The following DMXL2 variants were observed in gnomAD, a reference collection of about 807,000 sequenced individuals.
DMXL2 encodes the protein Dmx like 2.
DMXL2 carries 103 observed loss-of-function variants against 331.1 expected under a neutral mutation model. The ratio of observed to expected loss-of-function variants is 0.31; its 90% CI spans 0.27 to 0.37. DMXL2 has a LOEUF of 0.37. DMXL2 is among the 10% of genes least tolerant of loss of function. The pLI is 1.00. For missense variants in DMXL2, 3,171 were observed against 3,642.9 expected (o/e 0.87, Z 3.33); for synonymous variants, 1,281 against 1,252.1 (o/e 1.02, Z -0.49).
intron 2 of DMXL2, among the ~76,000 whole-genome samples, chr15:51,575,661 T>A (rs933347226): frequency 6.6e-6 from 1 of 152,196 alleles, no homozygotes; most frequent in African/African-American, 2.4e-5. Context: ...AGCATGATAT[T>A]AGATATTAAC....
Position 51,500,116 on chromosome 15 carries a change from C to T in DMXL2, c.3108G>A (p.Glu1036=). ...FWKCCMEANP[E]CNKSDEKEIY... ...TTTCTTTCTCATCACTTTTATTACA[C>T]TCTGGGTTGGCTTCCATACAACATT... is the stretch of plus-strand genomic sequence containing the variant. The change falls in exon 18 of 44, where the codon GAG becomes GAA. Residue 1036 remains glutamate, a synonymous_variant. Coordinates refer to ENST00000560891, the MANE Select transcript of DMXL2 (RefSeq NM_001378457.1). 6.2e-7 allele frequency: 1 copy of T among 1,614,184 alleles called. No individual in the cohort carries two copies. The highest frequency in any genetic ancestry group is 8.5e-7 in the Non-Finnish European group (1 of 1,180,016).
chr15:51,542,945 C>G (rs763212131), intron 8 of DMXL2, among the ~76,000 whole-genome samples: 3 of 151,944 alleles, frequency 2.0e-5, no homozygotes, highest in African/African-American at 7.3e-5. Context: ...TTCATGATAT[C>G]TATTACAAAG....
At position 51,495,635 on chromosome 15, in the gene DMXL2, T is replaced by G. The variant is rs945392846; in HGVS notation, c.4673-501A>C. ...TTTGAATACCCAGGCTAGTTAGTGT[T>G]ACATGGTTAGTTTGAACCTTCACCT... On this transcript the variant is annotated intron_variant, in intron 18 of 43. Transcript: ENST00000560891. Among the ~76,000 whole-genome samples the G allele has an allele frequency of 5.3e-5, 8 of 152,186 alleles. 1 individual carries two copies. The East Asian group carries it at 1.5e-3, about 29-fold the overall frequency.
At chr15:51,599,987 T>C (rs905886782) in intron 1 of DMXL2, among the ~76,000 whole-genome samples, 1 of 151,544 alleles carries the variant, frequency 6.6e-6, no homozygotes, top group African/African-American at 2.4e-5. Context: ...GTGTGACCCA[T>C]TGCACCCGGC....
chr15:51,513,321 A>G (rs1056346774), intron 15 of DMXL2, among the ~76,000 whole-genome samples: 1 of 152,232 alleles, frequency 6.6e-6, no homozygotes, highest in African/African-American at 2.4e-5. Context: ...TGGAAACCAT[A>G]TTAAAAAGAT....
At chr15:51,559,077 T>G (rs946892709) in intron 6 of DMXL2, among the ~76,000 whole-genome samples, 3 of 152,136 alleles carry the variant, frequency 2.0e-5, no homozygotes, top group Admixed American at 2.0e-4. Flanking sequence ...TTATGTAACA[T>G]AGGAAAACCC....
chr15:51,453,427 G>T, intron 41 of DMXL2, 123 bp downstream of exon 41: 1 of 650,224 alleles, frequency 1.5e-6, no homozygotes, highest in Non-Finnish European at 2.4e-6. Context: ...TAAGAATTAT[G>T]TAACAAAGTT....
intron 19 of DMXL2, among the ~76,000 whole-genome samples, chr15:51,492,041 C>G (rs545702723): frequency 6.6e-6 from 1 of 152,296 alleles, no homozygotes; most frequent in East Asian, 1.9e-4. Flanking sequence ...ATTTGAATAT[C>G]AGGCCATTCA....
At chr15:51,529,965 T>C (rs751816625) in intron 13 of DMXL2, among the ~76,000 whole-genome samples, 20 of 152,164 alleles carry the variant, frequency 1.3e-4, no homozygotes, top group Non-Finnish European at 2.5e-4. Flanking sequence ...ATCAATGTGA[T>C]ACATTTCATC....
chr15:51,453,006 A>G (rs1447078185), intron 41 of DMXL2, among the ~76,000 whole-genome samples: 1 of 150,912 alleles, frequency 6.6e-6, no homozygotes, highest in Non-Finnish European at 1.5e-5. Flanking sequence ...CATATGTCGT[A>G]TGTTCTCACT....
intron 19 of DMXL2, among the ~76,000 whole-genome samples, chr15:51,494,375 G>A (rs2043019145): frequency 6.6e-6 from 1 of 152,074 alleles, no homozygotes; most frequent in Admixed American, 6.6e-5. Context: ...CCAAGATGTT[G>A]GTTTCAAAAG....
intron 13 of DMXL2, among the ~76,000 whole-genome samples, chr15:51,530,208 G>A (rs1468193589): frequency 3.3e-5 from 5 of 152,044 alleles, no homozygotes; most frequent in South Asian, 2.1e-4. Flanking sequence ...GTTATTCAAC[G>A]TAGTACGGAA....
At chr15:51,519,433 C>G (rs1051114799) in intron 13 of DMXL2, among the ~76,000 whole-genome samples, 1 of 151,358 alleles carries the variant, frequency 6.6e-6, no homozygotes, top group Admixed American at 6.6e-5. Context: ...TAACATTTTT[C>G]CAGAACATCA....
At chr15:51,486,725 T>C (rs2042421388) in intron 22 of DMXL2, among the ~76,000 whole-genome samples, 1 of 152,180 alleles carries the variant, frequency 6.6e-6, no homozygotes, top group South Asian at 2.1e-4. Context: ...GCCTCATATT[T>C]AAATAGTAAA....
chr15:51,498,617 G>C lies in DMXL2; in HGVS notation c.4607C>G (p.Ala1536Gly), dbSNP rs757416099. Residue 1536 changes from alanine to glycine, a missense_variant, in exon 18 of 44, where the codon GCT becomes GGT. By Grantham distance (60) the Ala-to-Gly change is moderately conservative (BLOSUM62 0). Transcript: ENST00000560891. ...AGTAGTAGCCACTGTATCAGCCAAAGCTACAAGGAACATCTGCTCCAAACG... is the reference window on the plus strand; with the variant it reads ...AGTAGTAGCCACTGTATCAGCCAAACCTACAAGGAACATCTGCTCCAAACG... ...LTRLEQMFLV[A>G]LADTVATTST... 3.1e-6 allele frequency: 5 copies of C among 1,614,008 alleles called. No homozygotes were observed. The highest frequency in any genetic ancestry group is 1.3e-5 in the African/African-American group (1 of 74,936).
rs115545752 is a variant in DMXL2, at chr15:51,522,153, A to T, written c.2437-4986T>A. On this transcript the variant is annotated intron_variant, in intron 13 of 43. Transcript: ENST00000560891. The stretch of plus-strand genomic sequence containing the variant: ...GTATCTTTGATACTTTAAATGGAAT[A>T]AAAAAAACTTAATCCCTGTCTTCAT... 6.9e-3 allele frequency among the ~76,000 whole-genome samples: 1,056 copies of T among 152,276 alleles called. 20 individuals carry two copies. Among genetic ancestry groups the T allele is most frequent in the African/African-American group, 0.025 (1,019 of 41,558 alleles).
chr15:51,592,358 G>C (rs544305145), intron 1 of DMXL2, among the ~76,000 whole-genome samples: 1 of 152,150 alleles, frequency 6.6e-6, no homozygotes, highest in African/African-American at 2.4e-5. Flanking sequence ...AAGAAGAGAA[G>C]TTAAGAGAAA....
chr15:51,604,649 T>A (rs1168543441), intron 1 of DMXL2, among the ~76,000 whole-genome samples: 1 of 152,214 alleles, frequency 6.6e-6, no homozygotes, highest in African/African-American at 2.4e-5. Context: ...GACTCAAAGA[T>A]GTCACTTCTC....
At chr15:51,562,788 T>C (rs976131073) in intron 6 of DMXL2, among the ~76,000 whole-genome samples, 1 of 152,168 alleles carries the variant, frequency 6.6e-6, no homozygotes, top group African/African-American at 2.4e-5. Context: ...ATCAGGAAGA[T>C]AGGAGCAAGT....
Sources: gnomAD v4.1 joint callset for allele counts (sites outside exome capture counted in the v4.1 genomes callset) on GRCh38, gnomAD v4.1.1 for gene constraint, MANE v1.5 for transcripts, NCBI Gene and HGNC (gene_info 2026-07-23, HGNC 2026-07-21) for gene names.